The following TTYH2 variants were observed in gnomAD, a reference collection of about 807,000 sequenced individuals.
TTYH2 encodes tweety family member 2, also known as protein tweety homolog 2.
In TTYH2, 49 loss-of-function variants were observed where a neutral mutation model predicts 68.3. The observed-to-expected ratio is 0.72, with a 90% CI of 0.57 to 0.91. The LOEUF (loss-of-function observed/expected upper bound fraction) is 0.91, where lower values mean the gene tolerates loss of function less well. Ranked by LOEUF, TTYH2 falls within the 40% of genes least tolerant of loss-of-function variation. TTYH2 has a pLI of 0.00. For missense variants in TTYH2, 631 were observed against 700.4 expected, an observed-to-expected ratio of 0.90 and a Z score of 1.12; for synonymous variants, 272 against 300.8, an observed-to-expected ratio of 0.90 and a Z score of 0.99.
At position 74,213,839 on chromosome 17, in the gene TTYH2, C is replaced by T; in HGVS notation, c.129+123C>T. ...AGACCCCTTCTCTCCCCGCGCAGCC[C>T]TTTCCCGTCTCCCCTCTCCCCTTTT... On this transcript the variant is annotated intron_variant, in intron 1 of 13. Coordinates refer to ENST00000269346, the MANE Select transcript of TTYH2 (RefSeq NM_032646.6). The surrounding 1 kb of genome is among the most constrained non-coding windows in gnomAD (Gnocchi z 6.1). 4 of 1,270,512 alleles carry T rather than the reference C, an allele frequency of 3.1e-6. No homozygotes were observed. Among genetic ancestry groups the T allele is most frequent in the East Asian group, 2.8e-5 (1 of 35,706 alleles). The allele number at this position is 1,270,512 out of a possible 1,614,324, so 78.7% of individuals were successfully genotyped here.
chr17:74,222,455 G>T lies in TTYH2; in HGVS notation c.130-30G>T. 6.3e-7 allele frequency: 1 copy of T among 1,589,316 alleles called. No homozygotes were observed. Among genetic ancestry groups the T allele is most frequent in the South Asian group, 1.1e-5 (1 of 88,914 alleles). On this transcript the variant is annotated intron_variant, in intron 1 of 13. Coordinates refer to ENST00000269346, the MANE Select transcript of TTYH2 (RefSeq NM_032646.6). The surrounding 1 kb of genome is among the most constrained non-coding windows in gnomAD (Gnocchi z 5.2). ...CAGAGCCCCGCACTGCAGGGATGAA[G>T]AGTGACAACAGGCCTCTGCTCTCTT...
At chr17:74,259,984 A>G in intron 13 of TTYH2, 145 bp from the exon 14 acceptor site, 1 of 712,006 alleles carries the variant, frequency 1.4e-6, no homozygotes, top group Non-Finnish European at 2.5e-6. Context: ...GGGAGGCAGA[A>G]GTCTTGATGG....
chr17:74,227,644 C>T (rs925083375), intron 2 of TTYH2, among the ~76,000 whole-genome samples: 1 of 152,126 alleles, frequency 6.6e-6, no homozygotes, highest in Admixed American at 6.5e-5. Context: ...AGTTACACAA[C>T]TCTGGTTGAA....
At position 74,222,187 on chromosome 17, in the gene TTYH2, C is replaced by T. The variant is rs1433325098; in HGVS notation, c.130-298C>T. Reference sequence around the variant, plus strand: ...GACTCTTCATCAGCAGGGCCTGGTCCGTATCTTCATCCAGGGTCTGAACCA... The same window carrying T: ...GACTCTTCATCAGCAGGGCCTGGTCTGTATCTTCATCCAGGGTCTGAACCA... On this transcript the variant is annotated intron_variant, in intron 1 of 13. Transcript: ENST00000269346. The surrounding 1 kb of genome is among the most constrained non-coding windows in gnomAD (Gnocchi z 5.2). 6.6e-6 allele frequency among the ~76,000 whole-genome samples: 1 copy of T among 152,196 alleles called. No individual in the cohort carries two copies. The highest frequency in any genetic ancestry group is 2.4e-5 in the African/African-American group (1 of 41,438).
Position 74,260,034 on chromosome 17 carries a change from C to A in TTYH2, c.1525-95C>A, listed in dbSNP as rs114843505. The A allele has an allele frequency of 9.0e-5, 102 of 1,129,474 alleles. No individual in the cohort carries two copies. The South Asian group carries it at 1.2e-3, about 14-fold the overall frequency. The allele number at this position is 1,129,474 out of a possible 1,614,324, so 70.0% of individuals were successfully genotyped here. A position where few individuals can be genotyped will look rare whatever the true frequency, so the allele number is the denominator to read the frequency against. ...CACGGCCGGGTTTCCCTCTGACACC[C>A]GACCCAGTTCCACTCTGAGAAGTCC... On this transcript the variant is annotated intron_variant, in intron 13 of 13. Transcript: ENST00000269346.
chr17:74,224,539 T>G (rs934501786), intron 2 of TTYH2, among the ~76,000 whole-genome samples: 3 of 151,918 alleles, frequency 2.0e-5, no homozygotes, highest in African/African-American at 7.3e-5. Context: ...TAGGGAAAAC[T>G]CAAGGTGGAA....
At chr17:74,250,165 C>T in intron 9 of TTYH2, 100 bp from the exon 10 acceptor site, 2 of 1,463,466 alleles carry the variant, frequency 1.4e-6, no homozygotes, top group Non-Finnish European at 1.9e-6. Flanking sequence ...CGGCTCCCTC[C>T]CTTGGCTCTA....
chr17:74,219,341 A>G (rs1202521086), intron 1 of TTYH2, among the ~76,000 whole-genome samples: 4 of 149,438 alleles, frequency 2.7e-5, no homozygotes, highest in Non-Finnish European at 4.4e-5. Context: ...GTGAGCCGAG[A>G]TTGTACCACT....
At chr17:74,234,203 A>G (rs1173183856) in intron 3 of TTYH2, among the ~76,000 whole-genome samples, 1 of 152,202 alleles carries the variant, frequency 6.6e-6, no homozygotes, top group African/African-American at 2.4e-5. Flanking sequence ...TTTGTGAGTG[A>G]GTTCCCAGGG....
chr17:74,235,161 T>A (rs4789046), intron 3 of TTYH2, among the ~76,000 whole-genome samples: 6 of 152,014 alleles, frequency 3.9e-5, no homozygotes, highest in Admixed American at 2.0e-4. Flanking sequence ...TTTCTGGAAC[T>A]AGGAACTCCC....
intron 2 of TTYH2, among the ~76,000 whole-genome samples, chr17:74,224,385 TACACAC>T (rs71286190): frequency 4.7e-5 from 7 of 150,372 alleles, no homozygotes; most frequent in African/African-American, 1.7e-4. Flanking sequence ...CCCTGTCTCT[TACACAC>T]ACACACACAC....
chr17:74,239,760 A>G lies in TTYH2; in HGVS notation c.635+2246A>G, dbSNP rs1458790328. Among the ~76,000 whole-genome samples, 1 of 152,176 alleles carries G rather than the reference A, an allele frequency of 6.6e-6. No homozygotes were observed. Among genetic ancestry groups the G allele is most frequent in the Non-Finnish European group, 1.5e-5 (1 of 68,026 alleles). On this transcript the variant is annotated intron_variant, in intron 4 of 13. Coordinates refer to ENST00000269346, the MANE Select transcript of TTYH2 (RefSeq NM_032646.6). This position sits in a 1 kb window ranked among gnomAD's most constrained non-coding sequence, Gnocchi z 5.3. ...TCATGGGCAAAAGAGCCTCCCTCCC[A>G]AGGGACAGAAGGAAACTGCCAGCTC...
At chr17:74,237,613 TG>T in intron 4 of TTYH2, 99 bp downstream of exon 4, 1 of 1,080,964 alleles carries the variant, frequency 9.3e-7, no homozygotes, top group Non-Finnish European at 1.3e-6. Context: ...GAAGGGCCAC[TG>T]GAAAGTATTT....
Position 74,217,426 on chromosome 17 carries a change from C to T in TTYH2, c.129+3710C>T, listed in dbSNP as rs2050231556. 6.6e-6 allele frequency among the ~76,000 whole-genome samples: 1 copy of T among 152,198 alleles called. No homozygotes were observed. The highest frequency in any genetic ancestry group is 1.5e-5 in the Non-Finnish European group (1 of 68,032). On this transcript the variant is annotated intron_variant, in intron 1 of 13. Coordinates refer to ENST00000269346, the MANE Select transcript of TTYH2 (RefSeq NM_032646.6). The surrounding 1 kb of genome is among the most constrained non-coding windows in gnomAD (Gnocchi z 4.0). ...AAAGTGGAGGGTACACAGTTGGGGACTGGACCGGAACTACAGGACTTCCTG... is the reference window on the plus strand; with the variant it reads ...AAAGTGGAGGGTACACAGTTGGGGATTGGACCGGAACTACAGGACTTCCTG...
chr17:74,249,531 T>A, intron 8 of TTYH2, 132 bp downstream of exon 8: 1 of 956,924 alleles, frequency 1.0e-6, no homozygotes, highest in Non-Finnish European at 1.6e-6. Context: ...CTTAGCTGCT[T>A]CTGTGAGGGG....
At chr17:74,216,200 G>A (rs1253270151) in intron 1 of TTYH2, among the ~76,000 whole-genome samples, 3 of 152,208 alleles carry the variant, frequency 2.0e-5, no homozygotes, top group Admixed American at 6.5e-5. Context: ...TACCCTGCTG[G>A]GGAATGGAGA....
rs1015688460 is a variant in TTYH2 at position 74,261,963 on chromosome 17, C to A, written c.*1754C>A. The A allele has an allele frequency of 6.6e-6, 1 of 152,568 alleles. No individual in the cohort carries two copies. Among genetic ancestry groups the A allele is most frequent in the Non-Finnish European group, 1.5e-5 (1 of 68,032 alleles). The allele number at this position is 152,568 out of a possible 1,614,324, so 9.5% of individuals were successfully genotyped here. ...TTCCTGAAGGAACCAGGTGGGCAAA[C>A]CTTTGCTTATATACATGCGGCCTCA... On this transcript the variant is annotated 3_prime_UTR_variant, in exon 14 of 14. Transcript: ENST00000269346.
chr17:74,249,733 CTG>C (rs778000588), intron 8 of TTYH2, among the ~76,000 whole-genome samples: 3 of 146,576 alleles, frequency 2.0e-5, no homozygotes, highest in Non-Finnish European at 3.0e-5. Flanking sequence ...AGGGAGAAGA[CTG>C]TGCAGCTCTC....
rs751105084 is a variant in TTYH2, at chr17:74,253,236, C to T, written c.1415C>T (p.Thr472Ile). ...ACCAGCCTGCAGCCCCCGGCCCAGA[C>T]CATCTCCAACGCCCCTGTCTCCGAG... ...SQTSLQPPAQ[T>I]ISNAPVSEYM... Residue 472 changes from threonine (T) to isoleucine (I), a missense_variant, in exon 12 of 14, where the codon ACC (threonine) becomes ATC (isoleucine). Coordinates refer to ENST00000269346, the MANE Select transcript of TTYH2 (RefSeq NM_032646.6). 1.2e-6 allele frequency: 2 copies of T among 1,607,820 alleles called. No homozygotes were observed. The highest frequency in any genetic ancestry group is 8.5e-7 in the Non-Finnish European group (1 of 1,177,752).
Sources: gnomAD v4.1 joint callset for allele counts (sites outside exome capture counted in the v4.1 genomes callset) on GRCh38, gnomAD v4.1.1 for gene constraint, Gnocchi (gnomAD v3.1) non-coding constraint, MANE v1.5 for transcripts, NCBI Gene and HGNC (gene_info 2026-07-23, HGNC 2026-07-21) for gene names.